The following PTK2 variants were observed in gnomAD, a reference collection of about 807,000 sequenced individuals.
PTK2 encodes focal adhesion kinase 1.
PTK2 carries 45 observed loss-of-function variants against 150.1 expected under a neutral mutation model. The observed-to-expected ratio is 0.30, with a 90% CI of 0.24 to 0.38. The LOEUF is 0.38. Among genes scored for constraint, PTK2 ranks in the 10% least tolerant of loss-of-function variants. The pLI, the probability that PTK2 is intolerant of heterozygous loss-of-function variation, is 1.00. For missense variants in PTK2, 919 were observed against 1,307.3 expected, an observed-to-expected ratio of 0.70 and a Z score of 4.58; for synonymous variants, 432 against 449.2, an observed-to-expected ratio of 0.96 and a Z score of 0.48.
chr8:140,968,510 G>A (rs1483486740), intron 1 of PTK2, among the ~76,000 whole-genome samples: 1 of 152,210 alleles, frequency 6.6e-6, no homozygotes, highest in East Asian at 1.9e-4. Flanking sequence ...AGATTAGAGA[G>A]TTTAAGGAGC....
intron 22 of PTK2, among the ~76,000 whole-genome samples, chr8:140,732,268 C>T (rs961523421): frequency 7.2e-5 from 11 of 152,048 alleles, no homozygotes; most frequent in African/African-American, 1.9e-4. Context: ...ATGTTCAAAA[C>T]GCAAAGTTAA....
At chr8:140,680,472 C>T (rs1019590826) in intron 27 of PTK2, among the ~76,000 whole-genome samples, 4 of 152,150 alleles carry the variant, frequency 2.6e-5, no homozygotes, top group African/African-American at 9.7e-5. Context: ...TCAGGTGATC[C>T]ACCGCTCCTG....
At chr8:140,944,818 A>G (rs1047197684) in intron 1 of PTK2, among the ~76,000 whole-genome samples, 1 of 152,240 alleles carries the variant, frequency 6.6e-6, no homozygotes, top group African/African-American at 2.4e-5. Context: ...GTTTGCAATC[A>G]TGAAGACCAC....
At chr8:140,821,955 T>C (rs1299387085) in intron 8 of PTK2, 2 of 152,204 alleles carry the variant, frequency 1.3e-5, no homozygotes, top group Admixed American at 6.5e-5. Context: ...ATATTCTTGG[T>C]TTGACTCCAG....
At chr8:140,785,119 TATA>T (rs932504933) in intron 14 of PTK2, among the ~76,000 whole-genome samples, 3 of 152,182 alleles carry the variant, frequency 2.0e-5, no homozygotes, top group Admixed American at 6.5e-5. Flanking sequence ...TAGAACCATT[TATA>T]ATGATTCCTA....
intron 23 of PTK2, among the ~76,000 whole-genome samples, chr8:140,712,476 G>A (rs918995661): frequency 6.6e-6 from 1 of 152,166 alleles, no homozygotes; most frequent in Admixed American, 6.5e-5. Context: ...CAAAATGCAA[G>A]TGGTAGCTTC....
intron 5 of PTK2, among the ~76,000 whole-genome samples, chr8:140,851,762 A>G (rs1598653858): frequency 6.6e-6 from 1 of 151,878 alleles, no homozygotes; most frequent in Admixed American, 6.6e-5. Flanking sequence ...GGGAGGCTGA[A>G]GAAGGAGAAT....
At chr8:140,962,366 T>C (rs1054678121) in intron 1 of PTK2, among the ~76,000 whole-genome samples, 14 of 152,190 alleles carry the variant, frequency 9.2e-5, no homozygotes, top group Non-Finnish European at 1.0e-4. Context: ...TGTGTGGCAA[T>C]GAAGACAGCA....
chr8:140,989,492 G>A (rs2100194802), intron 1 of PTK2, among the ~76,000 whole-genome samples: 1 of 151,170 alleles, frequency 6.6e-6, no homozygotes. Context: ...AAAGGACTTG[G>A]ATTCTGAATA....
chr8:140,759,493 CACTGTACTCCCTTGGTG>C (rs2100067958), intron 16 of PTK2, among the ~76,000 whole-genome samples: 1 of 139,180 alleles, frequency 7.2e-6, no homozygotes, highest in Non-Finnish European at 1.5e-5. Flanking sequence ...ATGATTGTAC[CACTGTACTCCCTTGGTG>C]ACAGAGTAAG....
intron 18 of PTK2, 176 bp from the exon 22 acceptor site, chr8:140,744,943 C>G (rs2100057856): frequency 2.5e-6 from 1 of 406,364 alleles, no homozygotes; most frequent in African/African-American, 2.0e-5. Context: ...CATTTAAACT[C>G]TGGATTCAGA....
At chr8:140,812,269 C>T (rs1278025567) in intron 10 of PTK2, among the ~76,000 whole-genome samples, 3 of 152,116 alleles carry the variant, frequency 2.0e-5, no homozygotes, top group African/African-American at 7.2e-5. Context: ...GGAAGAAATT[C>T]CAACCTGAAA....
At chr8:140,975,277 C>A (rs2100188854) in intron 1 of PTK2, among the ~76,000 whole-genome samples, 1 of 152,110 alleles carries the variant, frequency 6.6e-6, no homozygotes, top group Non-Finnish European at 1.5e-5. Flanking sequence ...GTCCAGTCAT[C>A]CTCCTACCAT....
intron 1 of PTK2, among the ~76,000 whole-genome samples, chr8:140,969,892 C>T (rs926094484): frequency 6.6e-6 from 1 of 152,224 alleles, no homozygotes; most frequent in African/African-American, 2.4e-5. Context: ...TTCCTACAAA[C>T]CCCTTCCTGC....
chr8:140,818,296 A>T (rs1321512976), exon 10 of PTK2: 1 of 1,613,906 alleles, frequency 6.2e-7, no homozygotes, highest in South Asian at 1.1e-5. Context: ...CTTGTCCGTT[A>T]GGTAACTGAT....
chr8:140,659,852 G>A (rs2076913693), intron 31 of PTK2, among the ~76,000 whole-genome samples, 174 bp from the exon 36 acceptor site: 1 of 152,028 alleles, frequency 6.6e-6, no homozygotes, highest in South Asian at 2.1e-4. Context: ...ACCAAGCCCT[G>A]CACCAATGAA....
intron 8 of PTK2, among the ~76,000 whole-genome samples, chr8:140,822,709 T>C (rs1263925586): frequency 6.6e-6 from 1 of 152,192 alleles, no homozygotes; most frequent in East Asian, 1.9e-4. Context: ...ATGGCACTTA[T>C]ATAAGATCCA....
Position 140,846,354 on chromosome 8 carries a change from A to G in PTK2, c.531-32T>C, listed in dbSNP as rs879436896. ...TCAGGGAAGACATACATTTATATGT[A>G]TATATAAGGAATGTTTGTGTTGTTA... On this transcript the variant is annotated intron_variant, in intron 6 of 31. Transcript: ENST00000522684. The G allele has an allele frequency of 2.5e-6, 4 of 1,589,034 alleles. No individual in the cohort carries two copies. In the Admixed American group the frequency reaches 5.1e-5, roughly 20 times the overall value.
intron 7 of PTK2, among the ~76,000 whole-genome samples, chr8:140,837,645 C>T (rs1305794304): frequency 2.6e-5 from 4 of 152,134 alleles, no homozygotes; most frequent in Non-Finnish European, 5.9e-5. Context: ...AGGAGAATCA[C>T]TTGCACCTGG....
Sources: gnomAD v4.1 joint callset for allele counts (sites outside exome capture counted in the v4.1 genomes callset) on GRCh38, gnomAD v4.1.1 for gene constraint, MANE v1.5 for transcripts, NCBI Gene and HGNC (gene_info 2026-07-23, HGNC 2026-07-21) for gene names.